The following DNAH11 variants were observed in gnomAD, a reference collection of about 807,000 sequenced individuals.
DNAH11 encodes axonemal beta dynein heavy chain 11.
A neutral mutation model predicts 526.0 loss-of-function variants in DNAH11; 442 were observed. That is an observed-to-expected ratio of 0.84 (90% CI 0.78 to 0.91). The LOEUF is 0.91. Ranked by LOEUF, DNAH11 falls within the 40% of genes least tolerant of loss-of-function variation. DNAH11 has a pLI of 0.00. For synonymous variants in DNAH11, 2,461 were observed against 1,935.9 expected (o/e 1.27, Z -7.12); for missense variants, 6,989 against 5,448.7 (o/e 1.28, Z -8.90).
At chr7:21,723,004 A>G (rs1443054182) in intron 44 of DNAH11, among the ~76,000 whole-genome samples, 1 of 152,280 alleles carries the variant, frequency 6.6e-6, no homozygotes, top group Non-Finnish European at 1.5e-5. Flanking sequence ...GAAGCTGGAT[A>G]TCACTGGCAC....
rs560350854 is a variant in DNAH11 at position 21,723,064 on chromosome 7, A to G, written c.7266+2208A>G. On this transcript the variant is annotated intron_variant, in intron 44 of 81. Coordinates refer to ENST00000409508, the MANE Select transcript of DNAH11 (RefSeq NM_001277115.2). ...ACATGAGCAGCAATAGCAGCTTAAC[A>G]TTTTCAAAAGGGCTCTAACTACAGA... Among the ~76,000 whole-genome samples, 12 of 152,284 alleles carry G rather than the reference A, an allele frequency of 7.9e-5. No individual in the cohort carries two copies. In the East Asian group the frequency reaches 2.3e-3, roughly 29 times the overall value.
intron 44 of DNAH11, among the ~76,000 whole-genome samples, 198 bp from the exon 45 acceptor site, chr7:21,725,613 G>A (rs1165066826): frequency 6.6e-6 from 1 of 152,122 alleles, no homozygotes; most frequent in Non-Finnish European, 1.5e-5. Flanking sequence ...TCATTAGATT[G>A]AATAACGAAC....
chr7:21,726,123 C>A, intron 45 of DNAH11, 139 bp downstream of exon 45: 2 of 887,200 alleles, frequency 2.3e-6, no homozygotes, highest in Non-Finnish European at 3.2e-6. Context: ...ATGATGCTGG[C>A]ATCTGCTGAG....
intron 25 of DNAH11, among the ~76,000 whole-genome samples, chr7:21,628,691 T>G (rs1389987664): frequency 6.6e-6 from 1 of 152,134 alleles, no homozygotes; most frequent in Non-Finnish European, 1.5e-5. Flanking sequence ...TTCCATCAGC[T>G]AATATTTTGT....
chr7:21,842,654 C>T lies in DNAH11; in HGVS notation c.10802C>T (p.Thr3601Ile), dbSNP rs774009415. 6.2e-7 allele frequency: 1 copy of T among 1,613,802 alleles called. No homozygotes were observed. The highest frequency in any genetic ancestry group is 8.5e-7 in the Non-Finnish European group (1 of 1,179,850). ...AAGCCGGAATTACAAGCTCAGACAA[C>T]TCTCCTCAATTTCACAGTCACAGAA... Reference protein sequence around the residue: ...HYKPELQAQTTLLNFTVTEDG... With the variant: ...HYKPELQAQTILLNFTVTEDG... The change falls in exon 66 of 82, where the codon ACT becomes ATT. Residue 3601 changes from threonine to isoleucine, a missense_variant. Thr to Ile is a moderately conservative substitution (Grantham distance 89, BLOSUM62 -1). Coordinates refer to ENST00000409508, the MANE Select transcript of DNAH11 (RefSeq NM_001277115.2).
intron 57 of DNAH11, among the ~76,000 whole-genome samples, chr7:21,780,342 C>T (rs1399186293): frequency 6.6e-6 from 1 of 152,018 alleles, no homozygotes; most frequent in Non-Finnish European, 1.5e-5. Flanking sequence ...CCCAGGAGTT[C>T]GAGACCTGCC....
At chr7:21,762,109 C>G (rs141304671) in intron 54 of DNAH11, among the ~76,000 whole-genome samples, 3 of 152,072 alleles carry the variant, frequency 2.0e-5, no homozygotes, top group Non-Finnish European at 4.4e-5. Flanking sequence ...ATGGGGGAAA[C>G]CACCCCCATG....
chr7:21,761,966 G>C (rs914545352), intron 54 of DNAH11, among the ~76,000 whole-genome samples: 2 of 152,160 alleles, frequency 1.3e-5, no homozygotes, highest in African/African-American at 4.8e-5. Context: ...GAGGCCTCAG[G>C]AAACTTATAA....
At chr7:21,596,436 T>G (rs1784864624) in intron 14 of DNAH11, among the ~76,000 whole-genome samples, 1 of 152,216 alleles carries the variant, frequency 6.6e-6, no homozygotes. Flanking sequence ...CTTAACTAAG[T>G]CATGCCGTGG....
chr7:21,724,247 A>G (rs1784988706), intron 44 of DNAH11, among the ~76,000 whole-genome samples: 1 of 152,216 alleles, frequency 6.6e-6, no homozygotes. Flanking sequence ...TTGTAGGGTG[A>G]AGAAGTATCT....
intron 81 of DNAH11, chr7:21,900,755 C>A: frequency 2.8e-6 from 1 of 358,154 alleles, no homozygotes; most frequent in South Asian, 8.0e-5. Flanking sequence ...CTTAGAATCC[C>A]ATTTCATAAA....
intron 30 of DNAH11, among the ~76,000 whole-genome samples, chr7:21,661,288 C>G (rs1247384640): frequency 6.6e-6 from 1 of 151,786 alleles, no homozygotes; most frequent in Non-Finnish European, 1.5e-5. Context: ...TATTTTTCAC[C>G]TGATTGCTTA....
At chr7:21,814,254 T>A (rs1484990373) in intron 63 of DNAH11, among the ~76,000 whole-genome samples, 1 of 152,112 alleles carries the variant, frequency 6.6e-6, no homozygotes, top group Admixed American at 6.5e-5. Flanking sequence ...AGTCAGTGAG[T>A]GAATGTGAAG....
At chr7:21,548,973 C>T (rs1782913697) in intron 2 of DNAH11, among the ~76,000 whole-genome samples, 1 of 151,994 alleles carries the variant, frequency 6.6e-6, no homozygotes, top group Admixed American at 6.6e-5. Context: ...CCTCTGCCTC[C>T]CCAGTTCAAG....
intron 30 of DNAH11, among the ~76,000 whole-genome samples, chr7:21,679,008 A>G (rs1206306878): frequency 6.6e-6 from 1 of 152,186 alleles, no homozygotes; most frequent in African/African-American, 2.4e-5. Context: ...GATAAAGAAA[A>G]TGTGTAGACA....
At chr7:21,744,365 A>C (rs1786049517) in intron 49 of DNAH11, 73 bp from the exon 50 acceptor site, 13 of 1,502,056 alleles carry the variant, frequency 8.7e-6, no homozygotes, top group Non-Finnish European at 1.2e-5. Context: ...ATTTTAGTTT[A>C]AAAAGTGTTA....
In DNAH11 at chr7:21,790,605, G is replaced by A. The variant is rs144136499; in HGVS notation, c.10026+1263G>A. Reference sequence around the variant, plus strand: ...GAAAACACCATGAAATACCGAGCCCGAAGAAATTAGAGGAAGTTCTTTAGT... The same window carrying A: ...GAAAACACCATGAAATACCGAGCCCAAAGAAATTAGAGGAAGTTCTTTAGT... On this transcript the variant is annotated intron_variant, in intron 61 of 81. Transcript: ENST00000409508. 2.6e-4 allele frequency among the ~76,000 whole-genome samples: 39 copies of A among 152,270 alleles called. No homozygotes were observed. The East Asian group carries it at 6.9e-3, about 27-fold the overall frequency.
chr7:21,885,911 G>A (rs1030639423), intron 76 of DNAH11, among the ~76,000 whole-genome samples: 4 of 152,092 alleles, frequency 2.6e-5, no homozygotes, highest in East Asian at 1.9e-4. Flanking sequence ...CCAGCCCGGG[G>A]CTGTGTTTTC....
chr7:21,647,676 C>T (rs1254702085), intron 28 of DNAH11, among the ~76,000 whole-genome samples: 7 of 151,914 alleles, frequency 4.6e-5, no homozygotes, highest in Non-Finnish European at 1.0e-4. Context: ...TGTGATCTGC[C>T]TGCCTCAGCC....
Sources: gnomAD v4.1 joint callset for allele counts (sites outside exome capture counted in the v4.1 genomes callset) on GRCh38, gnomAD v4.1.1 for gene constraint, MANE v1.5 for transcripts, NCBI Gene and HGNC (gene_info 2026-07-23, HGNC 2026-07-21) for gene names.